The following DNAJB1 variants were observed in gnomAD, a reference collection of about 807,000 sequenced individuals.
The protein encoded by DNAJB1 is dnaJ homolog subfamily B member 1.
A neutral mutation model predicts 24.0 loss-of-function variants in DNAJB1; 14 were observed. The ratio of observed to expected loss-of-function variants is 0.58; its 90% CI spans 0.39 to 0.91. The LOEUF is 0.91. DNAJB1 is among the 40% of genes least tolerant of loss of function. The probability of loss-of-function intolerance (pLI) is 0.00; values close to 1 mark genes in which losing one functional copy is unlikely to be tolerated. For missense variants in DNAJB1, 517 were observed against 458.1 expected (o/e 1.13, Z -1.17); for synonymous variants, 262 against 174.4 (o/e 1.50, Z -3.96).
At chr19:14,542,154 G>T (rs1599433812) in intron 1 of DNAJB1, among the ~76,000 whole-genome samples, 1 of 151,796 alleles carries the variant, frequency 6.6e-6, no homozygotes. Context: ...TAGTAGAGAT[G>T]GGGTCTTGCT....
upstream of DNAJB1, among the ~76,000 whole-genome samples, chr19:14,552,371 C>G (rs968253581): frequency 7.3e-5 from 11 of 150,930 alleles, no homozygotes; most frequent in African/African-American, 2.4e-4. Context: ...GCCCTGCTCT[C>G]TAGGATGGAG....
At chr19:14,519,689 T>C (rs747842837), upstream of DNAJB1, among the ~76,000 whole-genome samples, 8 of 152,160 alleles carry the variant, frequency 5.3e-5, no homozygotes, top group African/African-American at 1.7e-4. Context: ...CCCCAGTGCC[T>C]GGAACGCAGT....
At chr19:14,525,279 T>C (rs2072406832) in intron 2 of DNAJB1, among the ~76,000 whole-genome samples, 1 of 151,922 alleles carries the variant, frequency 6.6e-6, no homozygotes, top group Non-Finnish European at 1.5e-5. Context: ...ATTTCCTGGC[T>C]CCTCTCAATT....
rs2073124658 is a variant in DNAJB1, at chr19:14,542,347, G to GGTTTTTTTTT, written c.-214+7860_-214+7861insAAAAAAAAAC. Among the ~76,000 whole-genome samples, 177 of 43,298 alleles carry GGTTTTTTTTT rather than the reference G, an allele frequency of 4.1e-3. 7 individuals carry two copies. Among genetic ancestry groups the GGTTTTTTTTT allele is most frequent in the African/African-American group, 0.011 (132 of 12,322 alleles). The allele number at this position is 43,298 out of a possible 152,430, so 28.4% of individuals were successfully genotyped here. ...CCTCAGGGGGCCCTCATGCCATAGT[G>GGTTTTTTTTT]TTTTTTTTTTTTTTTTTTTTTTTTT... On this transcript the variant is annotated intron_variant, in intron 1 of 3. Coordinates refer to the DNAJB1 transcript ENST00000676982.
chr19:14,552,128 C>T (rs915186428), upstream of DNAJB1, among the ~76,000 whole-genome samples: 4 of 150,768 alleles, frequency 2.7e-5, no homozygotes, highest in Non-Finnish European at 4.4e-5. Flanking sequence ...CATGAGCCAC[C>T]GCGCCTGGCC....
upstream of DNAJB1, among the ~76,000 whole-genome samples, chr19:14,550,906 A>G (rs2073476951): frequency 6.6e-6 from 1 of 151,992 alleles, no homozygotes; most frequent in Non-Finnish European, 1.5e-5. Context: ...TCCTGACCTC[A>G]GATGATCTGC....
chr19:14,551,934 TCTCC>T (rs1437295610), upstream of DNAJB1, among the ~76,000 whole-genome samples: 4 of 108,926 alleles, frequency 3.7e-5, no homozygotes, highest in Admixed American at 8.9e-5. Flanking sequence ...TCCCTCTCTC[TCTCC>T]CTCCCTCCCT....
At chr19:14,552,041 C>T (rs1167627393), upstream of DNAJB1, among the ~76,000 whole-genome samples, 1 of 147,606 alleles carries the variant, frequency 6.8e-6, no homozygotes, top group African/African-American at 2.5e-5. Flanking sequence ...GTCAGTGGTG[C>T]AGTCATAACT....
intron 1 of DNAJB1, among the ~76,000 whole-genome samples, chr19:14,558,890 C>G (rs1217015623): frequency 6.6e-6 from 1 of 152,216 alleles, no homozygotes; most frequent in Admixed American, 6.5e-5. Context: ...GATCCCCTGC[C>G]TGGGGCTCTG....
chr19:14,516,338 T>C (rs371283510), intron 2 of DNAJB1, 128 bp downstream of exon 2: 49 of 1,270,482 alleles, frequency 3.9e-5, no homozygotes, highest in African/African-American at 2.3e-4. Context: ...CCCTGGTCAG[T>C]CCTGTTCACT....
chr19:14,524,643 C>G (rs1035420290), intron 2 of DNAJB1, among the ~76,000 whole-genome samples: 24 of 149,058 alleles, frequency 1.6e-4, no homozygotes, highest in Middle Eastern at 3.7e-3. Flanking sequence ...GTCAGGAGTT[C>G]GAGACCAGCC....
chr19:14,553,141 G>A (rs754833722), upstream of DNAJB1, among the ~76,000 whole-genome samples: 24 of 152,112 alleles, frequency 1.6e-4, no homozygotes, highest in Non-Finnish European at 1.5e-5. Flanking sequence ...CCCAAGCCAG[G>A]AGCTCGTGCG....
At chr19:14,519,893 G>A (rs1002111517), upstream of DNAJB1, among the ~76,000 whole-genome samples, 2 of 152,172 alleles carry the variant, frequency 1.3e-5, no homozygotes, top group African/African-American at 4.8e-5. Flanking sequence ...ATGGGAAAAG[G>A]AGGCTCAGAA....
intron 1 of DNAJB1, chr19:14,517,324 C>T: frequency 2.5e-6 from 1 of 397,188 alleles, no homozygotes; most frequent in Non-Finnish European, 4.5e-6. Context: ...TGGACTGACC[C>T]ATCCTCCTGG....
chr19:14,529,595 T>C (rs1415801056), upstream of DNAJB1: 2 of 1,574,086 alleles, frequency 1.3e-6, no homozygotes, highest in Non-Finnish European at 1.7e-6. Context: ...CAGAGCCGCG[T>C]TTAGTCTATC....
chr19:14,552,228 G>A (rs891088423), upstream of DNAJB1, among the ~76,000 whole-genome samples: 2 of 147,864 alleles, frequency 1.4e-5, no homozygotes, highest in African/African-American at 5.0e-5. Context: ...GAGTGCAGTG[G>A]TGCAATGATA....
rs753709923 is a variant in DNAJB1, at chr19:14,517,044, G to A, written c.214C>T (p.Leu72=). 3 of 1,603,236 alleles carry A rather than the reference G, an allele frequency of 1.9e-6. No homozygotes were observed. The highest frequency in any genetic ancestry group is 1.7e-5 in the Admixed American group (1 of 59,088). ...EIFDRYGEEG[L]KGSGPSGGSG... ...CCGCCACTGGGGCCACTCCCCTTTA[G>A]GCCTGAAAAGCAGATTTAGAAGCAG... The change falls in exon 2 of 3, where the codon CTA becomes TTA. Residue 72 remains leucine (L), a splice_region_variant and synonymous_variant. Coordinates refer to ENST00000254322, the MANE Select transcript of DNAJB1 (RefSeq NM_006145.3).
At chr19:14,520,394 T>C (rs1195970584), upstream of DNAJB1, among the ~76,000 whole-genome samples, 1 of 152,086 alleles carries the variant, frequency 6.6e-6, no homozygotes, top group African/African-American at 2.4e-5. Flanking sequence ...CAGCTATGAT[T>C]GTGCCACTGC....
chr19:14,528,332 CGGGT>C (rs1461222356), intron 1 of DNAJB1, among the ~76,000 whole-genome samples: 1 of 151,558 alleles, frequency 6.6e-6, no homozygotes, highest in Non-Finnish European at 1.5e-5. Flanking sequence ...CTCCGCCTCC[CGGGT>C]TCAAGCAATT....
Sources: allele counts gnomAD v4.1 joint callset (sites outside exome capture counted in the v4.1 genomes callset), GRCh38; gene constraint gnomAD v4.1.1; transcripts MANE v1.5; gene names NCBI Gene and HGNC (gene_info 2026-07-23, HGNC 2026-07-21).